Variants in DCC observed in about 807,000 individuals in gnomAD.
DCC encodes the protein DCC netrin 1 receptor.
In DCC, 58 loss-of-function variants were observed where a neutral mutation model predicts 172.5. The observed-to-expected ratio is 0.34, with a 90% CI of 0.27 to 0.42. The LOEUF is 0.42. DCC is among the 10% of genes least tolerant of loss of function. DCC has a pLI of 1.00. For synonymous variants in DCC, 709 were observed against 644.5 expected, an observed-to-expected ratio of 1.10 and a Z score of -1.52; for missense variants, 1,740 against 1,791.0, an observed-to-expected ratio of 0.97 and a Z score of 0.51.
chr18:52,829,503 T>C (rs866549062), intron 2 of DCC, among the ~76,000 whole-genome samples: 1 of 152,186 alleles, frequency 6.6e-6, no homozygotes, highest in Non-Finnish European at 1.5e-5. Context: ...TAGGGCAGTA[T>C]AAATGATTCA....
chr18:52,633,118 TTCCTTTCCTG>T (rs761437998), intron 1 of DCC, among the ~76,000 whole-genome samples: 586 of 111,690 alleles, frequency 5.2e-3, no homozygotes, highest in East Asian at 0.016. Context: ...CTTTCTTCCT[TTCCTTTCCTG>T]TCCTGTCCTG....
At chr18:52,434,640 T>G (rs544870310) in intron 1 of DCC, among the ~76,000 whole-genome samples, 7 of 152,308 alleles carry the variant, frequency 4.6e-5, no homozygotes, top group Non-Finnish European at 7.4e-5. Context: ...TTTTCTTTTT[T>G]TTTTTTAAAC....
intron 5 of DCC, among the ~76,000 whole-genome samples, chr18:53,022,828 T>C (rs1362041852): frequency 6.6e-6 from 1 of 151,872 alleles, no homozygotes; most frequent in Non-Finnish European, 1.5e-5. Flanking sequence ...TGTAAAAAAA[T>C]CCTGAAAATG....
At chr18:53,390,005 C>T (rs3794916) in intron 16 of DCC, among the ~76,000 whole-genome samples, 64,138 of 151,686 alleles carry the variant, frequency 0.42, 15,298 homozygotes, top group Non-Finnish European at 0.55. Flanking sequence ...TCTTGTAAAG[C>T]CAGCTAAAAC....
At chr18:52,707,880 T>C (rs2145048786) in intron 1 of DCC, among the ~76,000 whole-genome samples, 1 of 152,252 alleles carries the variant, frequency 6.6e-6, no homozygotes, top group Middle Eastern at 3.4e-3. Flanking sequence ...TTGGGAGACA[T>C]TGGTTAAAGT....
chr18:53,464,477 A>G (rs917634826), intron 24 of DCC, among the ~76,000 whole-genome samples: 5 of 152,158 alleles, frequency 3.3e-5, no homozygotes, highest in African/African-American at 7.2e-5. Flanking sequence ...ATTTGGACCA[A>G]TGGTAAATAA....
At chr18:53,482,856 T>C (rs1384108235) in intron 25 of DCC, among the ~76,000 whole-genome samples, 1 of 151,912 alleles carries the variant, frequency 6.6e-6, no homozygotes, top group Non-Finnish European at 1.5e-5. Context: ...TTTGAGTTGT[T>C]TAAAAATAGA....
rs200571727 is a variant in DCC, at chr18:53,107,535, A to T, written c.1261+41369A>T. Among the ~76,000 whole-genome samples, 405 of 95,568 alleles carry T rather than the reference A, an allele frequency of 4.2e-3. 1 individual carries two copies. The highest frequency in any genetic ancestry group is 0.022 in the African/African-American group (366 of 16,342). 62.7% of individuals were successfully genotyped at this position (95,568 alleles called of 152,430 possible). A position where few individuals can be genotyped will look rare whatever the true frequency, so the allele number is the denominator to read the frequency against. Reference sequence around the variant, plus strand: ...AAACTTTGATCCAAAAAAAAAAAAAAGGAAGGAAAAAAAAAAAAAGAGGAA... The same window carrying T: ...AAACTTTGATCCAAAAAAAAAAAAATGGAAGGAAAAAAAAAAAAAGAGGAA... On this transcript the variant is annotated intron_variant, in intron 7 of 28. Coordinates refer to ENST00000442544, the MANE Select transcript of DCC (RefSeq NM_005215.4).
chr18:52,621,153 G>GT (rs1384216719), intron 1 of DCC, among the ~76,000 whole-genome samples: 4 of 152,326 alleles, frequency 2.6e-5, no homozygotes, highest in African/African-American at 4.8e-5. Context: ...AACTACCACT[G>GT]CTTTTTATGT....
intron 2 of DCC, among the ~76,000 whole-genome samples, chr18:52,884,689 T>C (rs182973253): frequency 5.3e-4 from 80 of 152,348 alleles, no homozygotes; most frequent in Admixed American, 9.8e-4. Context: ...TCTGCAGAAT[T>C]GATCCCTGGT....
intron 13 of DCC, among the ~76,000 whole-genome samples, chr18:53,313,917 A>T (rs896604152): frequency 7.2e-5 from 11 of 152,220 alleles, no homozygotes; most frequent in Non-Finnish European, 1.5e-4. Context: ...GGGACCAATC[A>T]TGTATTCTGC....
At chr18:52,365,441 T>C (rs1216330260) in intron 1 of DCC, among the ~76,000 whole-genome samples, 2 of 152,220 alleles carry the variant, frequency 1.3e-5, no homozygotes, top group Non-Finnish European at 2.9e-5. Flanking sequence ...TGTGTTAATA[T>C]CTCTGGAAAA....
chr18:53,244,955 T>G (rs964255995), intron 12 of DCC, among the ~76,000 whole-genome samples: 2 of 152,166 alleles, frequency 1.3e-5, no homozygotes, highest in South Asian at 4.1e-4. Flanking sequence ...TGATTAAACA[T>G]TTTAATATTC....
intron 23 of DCC, among the ~76,000 whole-genome samples, chr18:53,454,014 C>G (rs559254474): frequency 6.6e-6 from 1 of 152,262 alleles, no homozygotes; most frequent in South Asian, 2.1e-4. Context: ...TCCACAGTTT[C>G]TATTAGTGAG....
intron 3 of DCC, among the ~76,000 whole-genome samples, chr18:52,913,542 T>C (rs926305074): frequency 6.6e-6 from 1 of 152,038 alleles, no homozygotes; most frequent in South Asian, 2.1e-4. Context: ...ATGTTAGATA[T>C]GGATTATATT....
intron 7 of DCC, among the ~76,000 whole-genome samples, chr18:53,148,865 C>CTTTTTTTTTTTTTT (rs5824990): frequency 1.9e-4 from 21 of 109,764 alleles, no homozygotes; most frequent in Middle Eastern, 5.2e-3. Context: ...TTCCCAATGC[C>CTTTTTTTTTTTTTT]TTTTTTTTTT....
At chr18:52,421,463 G>T (rs1176200271) in intron 1 of DCC, among the ~76,000 whole-genome samples, 1 of 152,174 alleles carries the variant, frequency 6.6e-6, no homozygotes, top group African/African-American at 2.4e-5. Context: ...GAGATTCCCA[G>T]ACTCCAAGGG....
chr18:53,038,317 TAATAA>T (rs1275193016), intron 5 of DCC, among the ~76,000 whole-genome samples: 1 of 151,984 alleles, frequency 6.6e-6, no homozygotes, highest in Non-Finnish European at 1.5e-5. Flanking sequence ...TGGGCTGCTG[TAATAA>T]AATATCATAA....
chr18:52,693,873 T>C (rs28874031), intron 1 of DCC, among the ~76,000 whole-genome samples: 35,575 of 152,030 alleles, frequency 0.23, 4,881 homozygotes, highest in South Asian at 0.41. Context: ...CGTGCTGATA[T>C]AAACAATTGA....
Sources: allele counts gnomAD v4.1 joint callset (sites outside exome capture counted in the v4.1 genomes callset), GRCh38; gene constraint gnomAD v4.1.1; transcripts MANE v1.5; gene names NCBI Gene and HGNC (gene_info 2026-07-23, HGNC 2026-07-21).